The following MEGF11 variants were observed in gnomAD, a reference collection of about 807,000 sequenced individuals.
The protein encoded by MEGF11 is multiple epidermal growth factor-like domains protein 11.
A neutral mutation model predicts 146.6 loss-of-function variants in MEGF11; 126 were observed. The observed-to-expected ratio is 0.86, with a 90% CI of 0.74 to 1.00. The LOEUF is 1.00. MEGF11 is among the 50% of genes least tolerant of loss of function. The probability of loss-of-function intolerance (pLI) is 0.00; values close to 1 mark genes in which losing one functional copy is unlikely to be tolerated. For missense variants in MEGF11, 1,509 were observed against 1,521.2 expected, an observed-to-expected ratio of 0.99 and a Z score of 0.13; for synonymous variants, 532 against 583.4, an observed-to-expected ratio of 0.91 and a Z score of 1.27.
chr15:65,936,382 G>A (rs2079789019), intron 10 of MEGF11, among the ~76,000 whole-genome samples: 1 of 152,200 alleles, frequency 6.6e-6, no homozygotes, highest in South Asian at 2.1e-4. Context: ...GCCCCTGCTG[G>A]TACATAATGG....
intron 1 of MEGF11, among the ~76,000 whole-genome samples, chr15:66,235,846 T>C (rs1269093489): frequency 2.0e-5 from 3 of 152,176 alleles, no homozygotes; most frequent in South Asian, 4.1e-4. Context: ...CAAGTCTCCA[T>C]ATCAAGGACA....
intron 3 of MEGF11, among the ~76,000 whole-genome samples, chr15:66,122,238 T>A (rs1002642677): frequency 4.1e-5 from 6 of 147,622 alleles, no homozygotes; most frequent in African/African-American, 1.5e-4. Flanking sequence ...CACTCCAGCC[T>A]GGGCAACAGA....
Position 65,957,553 on chromosome 15 carries a change from G to A in MEGF11, c.1281C>T (p.Gly427=). 1 of 1,613,220 alleles carries A rather than the reference G, an allele frequency of 6.2e-7. No individual in the cohort carries two copies. The highest frequency in any genetic ancestry group is 8.5e-7 in the Non-Finnish European group (1 of 1,179,658). Residue 427 remains glycine (G), a synonymous_variant, in exon 10 of 26, where the codon GGC becomes GGT. Coordinates refer to ENST00000395614, the MANE Select transcript of MEGF11 (RefSeq NM_001385028.1). ...GAGGCCCCTCCCATCTTACCATGAA[G>A]CCCGGAGCACAAGTGCAGCCCCCAG... is the stretch of plus-strand genomic sequence containing the variant. The part of the protein sequence containing the change: ...SITGGCTCAP[G]FMGEVCAVSC...
intron 10 of MEGF11, among the ~76,000 whole-genome samples, chr15:65,943,585 A>C (rs987959776): frequency 1.3e-5 from 2 of 152,104 alleles, no homozygotes; most frequent in African/African-American, 4.8e-5. Context: ...CAGGTTAGGG[A>C]TAGGATTTGG....
chr15:65,944,026 T>TC (rs1288402961), intron 10 of MEGF11, among the ~76,000 whole-genome samples: 1 of 151,966 alleles, frequency 6.6e-6, no homozygotes, highest in Non-Finnish European at 1.5e-5. Context: ...AAAACTAGGG[T>TC]CCAAGTAAAA....
rs1045056937 is a variant in MEGF11, at chr15:65,992,448, TGTG to T, written c.395-9963_395-9961del. Among the ~76,000 whole-genome samples, 31 of 28,222 alleles carry T rather than the reference TGTG, an allele frequency of 1.1e-3. 1 individual carries two copies. The highest frequency in any genetic ancestry group is 4.7e-3 in the South Asian group (3 of 634). 18.5% of individuals were successfully genotyped at this position (28,222 alleles called of 152,430 possible). Reference sequence around the variant, plus strand: ...CCCCGTTTGTGCCTCTGTGTGTGTGTGTGGGGGGGGGGGTTAGTCACATCCTGA... The same window carrying T: ...CCCCGTTTGTGCCTCTGTGTGTGTGTGGGGGGGGGGTTAGTCACATCCTGA... On this transcript the variant is annotated intron_variant, in intron 5 of 25. Transcript: ENST00000395614.
intron 1 of MEGF11, among the ~76,000 whole-genome samples, chr15:66,231,478 A>C (rs1392850399): frequency 1.3e-5 from 2 of 151,874 alleles, no homozygotes; most frequent in African/African-American, 4.8e-5. Context: ...CCAGGCTCCC[A>C]AATTACATCA....
chr15:66,191,226 C>T (rs2090866625), intron 1 of MEGF11, among the ~76,000 whole-genome samples: 1 of 152,184 alleles, frequency 6.6e-6, no homozygotes, highest in African/African-American at 2.4e-5. Context: ...ATGGGGACCA[C>T]GGTGAAGTCT....
At chr15:66,173,057 A>T (rs1330140864) in intron 1 of MEGF11, among the ~76,000 whole-genome samples, 3 of 152,086 alleles carry the variant, frequency 2.0e-5, no homozygotes, top group African/African-American at 7.2e-5. Flanking sequence ...GTGTTGATGC[A>T]CCTCAAACGC....
intron 1 of MEGF11, among the ~76,000 whole-genome samples, chr15:66,170,710 C>T (rs1348018472): frequency 1.3e-5 from 2 of 152,166 alleles, no homozygotes; most frequent in Non-Finnish European, 2.9e-5. Context: ...TTGAAGTGGA[C>T]ACTGTGATGC....
At chr15:66,082,694 C>T (rs1191386892) in intron 5 of MEGF11, among the ~76,000 whole-genome samples, 17 of 22,850 alleles carry the variant, frequency 7.4e-4, no homozygotes, top group Non-Finnish European at 1.9e-3. Context: ...AAAAAAAGGG[C>T]GGTGCGGAGG....
chr15:66,027,226 C>T (rs375062384), intron 5 of MEGF11, among the ~76,000 whole-genome samples: 13 of 152,220 alleles, frequency 8.5e-5, no homozygotes, highest in African/African-American at 3.1e-4. Context: ...CACAAAGACT[C>T]AGAAGACACA....
At chr15:66,099,422 C>T (rs1274775192) in intron 4 of MEGF11, among the ~76,000 whole-genome samples, 1 of 152,088 alleles carries the variant, frequency 6.6e-6, no homozygotes, top group Non-Finnish European at 1.5e-5. Flanking sequence ...TGACCTCAAG[C>T]GATCTGCCCA....
intron 5 of MEGF11, among the ~76,000 whole-genome samples, chr15:66,053,062 A>ATGGATGGATGCATGAGTGGCAG (rs1567219698): frequency 1.3e-5 from 2 of 151,914 alleles, no homozygotes; most frequent in Non-Finnish European, 2.9e-5. Flanking sequence ...ATGGATGGAT[A>ATGGATGGATGCATGAGTGGCAG]GATGGATGGA....
In MEGF11 at chr15:65,986,793, C is replaced by CTTTT. The variant is rs34991788; in HGVS notation, c.395-4309_395-4306dup. On this transcript the variant is annotated intron_variant, in intron 5 of 25. Transcript: ENST00000395614. ...TATATTGGGCTTTGGCTGATTTTTC[C>CTTTT]TTTTTTTTTTTTTTTTTTTTTGAGA... Among the ~76,000 whole-genome samples the CTTTT allele has an allele frequency of 5.8e-4, 70 of 121,334 alleles. 1 individual carries two copies. Among genetic ancestry groups the CTTTT allele is most frequent in the African/African-American group, 1.7e-3 (53 of 31,862 alleles). 79.6% of individuals were successfully genotyped at this position (121,334 alleles called of 152,430 possible). A position where few individuals can be genotyped will look rare whatever the true frequency, so the allele number is the denominator to read the frequency against.
intron 5 of MEGF11, among the ~76,000 whole-genome samples, chr15:66,077,623 C>G (rs4776718): frequency 0.19 from 29,115 of 152,208 alleles, 3,017 homozygotes; most frequent in East Asian, 0.39. Context: ...ATGTGCCAGG[C>G]AGCATGAGGT....
chr15:65,964,379 C>T (rs173005), intron 9 of MEGF11, among the ~76,000 whole-genome samples: 146,221 of 152,312 alleles, frequency 0.96, 70,400 homozygotes, highest in East Asian at 1. Flanking sequence ...CCAGGGTCTG[C>T]TGGGACAACC....
At chr15:66,053,062 A>ATGGATGGATG (rs1567219698) in intron 5 of MEGF11, among the ~76,000 whole-genome samples, 2 of 151,914 alleles carry the variant, frequency 1.3e-5, no homozygotes, top group South Asian at 2.1e-4. Context: ...ATGGATGGAT[A>ATGGATGGATG]GATGGATGGA....
intron 1 of MEGF11, among the ~76,000 whole-genome samples, chr15:66,140,897 C>T (rs1278939188): frequency 6.6e-6 from 1 of 152,138 alleles, no homozygotes; most frequent in Non-Finnish European, 1.5e-5. Flanking sequence ...CGAGCCCTTA[C>T]TAAGAATACT....
Sources: gnomAD v4.1 joint callset for allele counts (sites outside exome capture counted in the v4.1 genomes callset) on GRCh38, gnomAD v4.1.1 for gene constraint, MANE v1.5 for transcripts, NCBI Gene and HGNC (gene_info 2026-07-23, HGNC 2026-07-21) for gene names.